Variants in NRG1 observed in about 807,000 individuals in gnomAD.
The protein encoded by NRG1 is pro-neuregulin-1, membrane-bound isoform.
A neutral mutation model predicts 63.8 loss-of-function variants in NRG1; 18 were observed. That is an observed-to-expected ratio of 0.28 (90% CI 0.19 to 0.42). The LOEUF (loss-of-function observed/expected upper bound fraction) is 0.42. Among genes scored for constraint, NRG1 ranks in the 10% least tolerant of loss-of-function variants. The pLI is 1.00. For missense variants in NRG1, 762 were observed against 814.7 expected, an observed-to-expected ratio of 0.94 and a Z score of 0.79; for synonymous variants, 302 against 301.3, an observed-to-expected ratio of 1.00 and a Z score of -0.02.
chr8:32,465,155 A>AAAC (rs925104781), intron 1 of NRG1, among the ~76,000 whole-genome samples: 17 of 152,160 alleles, frequency 1.1e-4, no homozygotes, highest in African/African-American at 2.9e-4. Flanking sequence ...TCTGTCTTAG[A>AAAC]AACAACAACA....
chr8:32,119,840 A>G (rs961847011), intron 1 of NRG1, among the ~76,000 whole-genome samples: 4 of 152,140 alleles, frequency 2.6e-5, no homozygotes, highest in African/African-American at 7.2e-5. Context: ...TGTGACCACA[A>G]AAATAAACTT....
chr8:32,358,881 T>A (rs1047843432), intron 1 of NRG1, among the ~76,000 whole-genome samples: 2 of 152,050 alleles, frequency 1.3e-5, no homozygotes, highest in Non-Finnish European at 2.9e-5. Context: ...TCTTAAAAAA[T>A]AAATAAATAA....
At chr8:32,728,265 T>C in intron 6 of NRG1, 187 bp downstream of exon 6, 1 of 985,290 alleles carries the variant, frequency 1.0e-6, no homozygotes, top group Non-Finnish European at 1.2e-6. Flanking sequence ...TATGCAGAAT[T>C]GTTTTTTGCT....
chr8:32,019,452 G>A (rs1816097365), intron 1 of NRG1, among the ~76,000 whole-genome samples: 1 of 152,146 alleles, frequency 6.6e-6, no homozygotes, highest in African/African-American at 2.4e-5. Flanking sequence ...TATGTGTACA[G>A]GTACTGTGTA....
intron 1 of NRG1, among the ~76,000 whole-genome samples, chr8:31,798,002 A>G (rs920059989): frequency 3.3e-5 from 5 of 152,076 alleles, no homozygotes; most frequent in African/African-American, 1.2e-4. Flanking sequence ...AGTAGTAGAG[A>G]GTAGAATTGT....
At chr8:32,489,059 T>G (rs1277524700) in intron 1 of NRG1, among the ~76,000 whole-genome samples, 4 of 152,182 alleles carry the variant, frequency 2.6e-5, no homozygotes, top group Non-Finnish European at 5.9e-5. Context: ...AGCAGACATC[T>G]TGGAGGTCAA....
At chr8:31,927,431 G>A (rs1360234989) in intron 1 of NRG1, among the ~76,000 whole-genome samples, 2 of 140,672 alleles carry the variant, frequency 1.4e-5, no homozygotes, top group Non-Finnish European at 3.1e-5. Flanking sequence ...ATGAAACAGA[G>A]AAAACTACTT....
chr8:32,301,632 G>A (rs1474769856), intron 1 of NRG1, among the ~76,000 whole-genome samples: 3 of 152,152 alleles, frequency 2.0e-5, no homozygotes, highest in African/African-American at 7.2e-5. Context: ...CACAATCATG[G>A]TGAAAGTCAA....
chr8:32,092,337 G>A (rs118124913), intron 1 of NRG1, among the ~76,000 whole-genome samples: 1,589 of 151,492 alleles, frequency 0.01, 12 homozygotes, highest in Middle Eastern at 0.027. Flanking sequence ...TGTGCTTGTA[G>A]TAACAGCTGC....
intron 1 of NRG1, among the ~76,000 whole-genome samples, chr8:31,826,190 G>T (rs1437906274): frequency 6.6e-6 from 1 of 152,170 alleles, no homozygotes; most frequent in African/African-American, 2.4e-5. Flanking sequence ...GGATTTGTAT[G>T]AGAATTCTGG....
At chr8:31,878,957 G>A (rs989140206) in intron 1 of NRG1, among the ~76,000 whole-genome samples, 1 of 151,868 alleles carries the variant, frequency 6.6e-6, no homozygotes, top group Non-Finnish European at 1.5e-5. Context: ...CCGAGATCGC[G>A]CTACTGCACT....
intron 1 of NRG1, among the ~76,000 whole-genome samples, chr8:31,747,293 C>T (rs1815982621): frequency 6.6e-6 from 1 of 151,890 alleles, no homozygotes; most frequent in Non-Finnish European, 1.5e-5. Flanking sequence ...TGAATATATA[C>T]ACCTACTGTG....
intron 1 of NRG1, among the ~76,000 whole-genome samples, chr8:32,406,491 A>G (rs1814005372): frequency 6.6e-6 from 1 of 152,142 alleles, no homozygotes; most frequent in South Asian, 2.1e-4. Flanking sequence ...ATGTGCAAGC[A>G]CTGTATATAT....
At chr8:32,353,556 A>T (rs1029770646) in intron 1 of NRG1, among the ~76,000 whole-genome samples, 1 of 152,210 alleles carries the variant, frequency 6.6e-6, no homozygotes, top group Non-Finnish European at 1.5e-5. Flanking sequence ...GCCAAAAAGC[A>T]TATAAAATAT....
At chr8:32,559,409 T>C (rs772631388) in intron 1 of NRG1, among the ~76,000 whole-genome samples, 6 of 152,136 alleles carry the variant, frequency 3.9e-5, no homozygotes, top group Admixed American at 1.3e-4. Context: ...AAGCCTCTTC[T>C]TTGGGTAATG....
chr8:31,779,371 G>T (rs1205793860), intron 1 of NRG1, among the ~76,000 whole-genome samples: 1 of 151,974 alleles, frequency 6.6e-6, no homozygotes, highest in Non-Finnish European at 1.5e-5. Context: ...AGAAGTGTTG[G>T]GTTGGTGAAG....
At chr8:32,730,654 T>C (rs1342858311) in intron 6 of NRG1, among the ~76,000 whole-genome samples, 2 of 152,208 alleles carry the variant, frequency 1.3e-5, no homozygotes, top group African/African-American at 4.8e-5. Flanking sequence ...TTCTGCTGAC[T>C]TGCTGTGAAT....
intron 1 of NRG1, among the ~76,000 whole-genome samples, chr8:32,363,563 A>G (rs1168580023): frequency 6.6e-6 from 1 of 152,160 alleles, no homozygotes; most frequent in Non-Finnish European, 1.5e-5. Context: ...TGGCTTTCCA[A>G]CTAGCCAAAC....
intron 5 of NRG1, among the ~76,000 whole-genome samples, chr8:32,714,095 G>T (rs1275504175): frequency 6.6e-6 from 1 of 152,050 alleles, no homozygotes; most frequent in African/African-American, 2.4e-5. Flanking sequence ...AAAGTGCTGG[G>T]ATTACAAGTG....
Sources: gnomAD v4.1 joint callset for allele counts (sites outside exome capture counted in the v4.1 genomes callset) on GRCh38, gnomAD v4.1.1 for gene constraint, MANE v1.5 for transcripts, NCBI Gene and HGNC (gene_info 2026-07-23, HGNC 2026-07-21) for gene names.